CCNY: variants seen among roughly 807,000 people sequenced by gnomAD.
CCNY encodes cyclin-Y.
In CCNY, 19 loss-of-function variants were observed where a neutral mutation model predicts 42.8. The ratio of observed to expected loss-of-function variants is 0.44; its 90% CI spans 0.31 to 0.65. CCNY has a LOEUF of 0.65. Among genes scored for constraint, CCNY ranks in the 30% least tolerant of loss-of-function variants. The pLI is 0.07. For synonymous variants in CCNY, 165 were observed against 162.7 expected, an observed-to-expected ratio of 1.01 and a Z score of -0.11; for missense variants, 370 against 437.3, an observed-to-expected ratio of 0.85 and a Z score of 1.37.
chr10:35,511,657 G>T (rs1191375111), intron 3 of CCNY, among the ~76,000 whole-genome samples: 1 of 152,208 alleles, frequency 6.6e-6, no homozygotes, highest in African/African-American at 2.4e-5. Flanking sequence ...CTCCTTGTCT[G>T]TAAAATGGGA....
intron 1 of CCNY, among the ~76,000 whole-genome samples, 176 bp downstream of exon 1, chr10:35,337,383 C>A: frequency 6.6e-6 from 1 of 152,184 alleles, no homozygotes; most frequent in East Asian, 1.9e-4. Context: ...GCGTACCCCT[C>A]GCTGGTTACC....
At chr10:35,329,228 G>A (rs909235579) in intron 3 of CCNY, among the ~76,000 whole-genome samples, 6 of 152,114 alleles carry the variant, frequency 3.9e-5, no homozygotes, top group African/African-American at 1.4e-4. Flanking sequence ...ATAGAAATGA[G>A]CAGATGCTGA....
intron 1 of CCNY, among the ~76,000 whole-genome samples, chr10:35,473,367 CA>C (rs2135348461): frequency 6.6e-6 from 1 of 152,360 alleles, no homozygotes; most frequent in East Asian, 1.9e-4. Flanking sequence ...GTTACAATGA[CA>C]CCCAGTAGAG....
rs928766685 is a variant in CCNY, at chr10:35,414,142, G to T, written c.155-69262G>T. Among the ~76,000 whole-genome samples, 29 of 152,312 alleles carry T rather than the reference G, an allele frequency of 1.9e-4. 1 individual carries two copies. The highest frequency in any genetic ancestry group is 6.2e-4 in the South Asian group (3 of 4,834). On this transcript the variant is annotated intron_variant, in intron 1 of 9. Transcript: ENST00000374704. ...TCAGCAGCTTAAGACAACACACATT[G>T]ACTCTATCACAGTTTCTGTGGGGCA...
At chr10:35,379,902 G>C (rs981382438) in intron 1 of CCNY, among the ~76,000 whole-genome samples, 1 of 152,168 alleles carries the variant, frequency 6.6e-6, no homozygotes, top group Non-Finnish European at 1.5e-5. Flanking sequence ...ACCACACAAG[G>C]AGGAGAAACA....
intron 1 of CCNY, among the ~76,000 whole-genome samples, chr10:35,414,557 C>T (rs573932440): frequency 3.3e-4 from 51 of 152,332 alleles, no homozygotes; most frequent in African/African-American, 1.2e-3. Context: ...AGGCCCCTCT[C>T]GCACTTAGGA....
upstream of CCNY, among the ~76,000 whole-genome samples, chr10:35,335,208 G>A (rs1049612451): frequency 6.6e-6 from 1 of 152,048 alleles, no homozygotes; most frequent in Non-Finnish European, 1.5e-5. Context: ...GGCGTCGGGA[G>A]GGAATGCGAA....
At chr10:35,375,364 C>G (rs1837029444) in intron 1 of CCNY, among the ~76,000 whole-genome samples, 1 of 152,166 alleles carries the variant, frequency 6.6e-6, no homozygotes, top group Admixed American at 6.5e-5. Context: ...AGATGGAGTT[C>G]TCACATCTTC....
At chr10:35,461,886 A>G (rs945020224) in intron 1 of CCNY, among the ~76,000 whole-genome samples, 1 of 151,928 alleles carries the variant, frequency 6.6e-6, no homozygotes, top group Non-Finnish European at 1.5e-5. Flanking sequence ...TCCAGCCTGC[A>G]TACGTAAATG....
Position 35,383,049 on chromosome 10 carries a change from C to G in CCNY, c.154+45842C>G, listed in dbSNP as rs560723871. Among the ~76,000 whole-genome samples the G allele has an allele frequency of 6.6e-5, 10 of 152,182 alleles. No individual in the cohort carries two copies. The South Asian group carries it at 1.7e-3, about 25-fold the overall frequency. On this transcript the variant is annotated intron_variant, in intron 1 of 9. Coordinates refer to ENST00000374704, the MANE Select transcript of CCNY (RefSeq NM_145012.6). ...GGATTGTTTTCAATTGAACATGGATCGAAAACGCAATATTTCGGGATGCAA... is the reference window on the plus strand; with the variant it reads ...GGATTGTTTTCAATTGAACATGGATGGAAAACGCAATATTTCGGGATGCAA...
chr10:35,293,331 A>T lies in CCNY; in HGVS notation c.-9+42705A>T, dbSNP rs188526375. 3.1e-3 allele frequency among the ~76,000 whole-genome samples: 474 copies of T among 152,312 alleles called. 4 individuals carry two copies. The highest frequency in any genetic ancestry group is 0.011 in the African/African-American group (459 of 41,572). Reference sequence around the variant, plus strand: ...CTGAACTCTCAGGACAGTAAGGTTCATTATGCCAAAACCATACTGTCTTGA... The same window carrying T: ...CTGAACTCTCAGGACAGTAAGGTTCTTTATGCCAAAACCATACTGTCTTGA... On this transcript the variant is annotated intron_variant, in intron 3 of 11. Transcript: ENST00000374706.
At position 35,356,331 on chromosome 10, in the gene CCNY, T is replaced by TA. The variant is rs200096956; in HGVS notation, c.154+19125dup. On this transcript the variant is annotated intron_variant, in intron 1 of 9. Transcript: ENST00000374704. ...AGCATGTTAGTGTATGGTAAACACTTATGCTTGTACATCTTAAGATGTTGC... is the reference window on the plus strand; with the variant it reads ...AGCATGTTAGTGTATGGTAAACACTTAATGCTTGTACATCTTAAGATGTTGC... Among the ~76,000 whole-genome samples, 843 of 152,350 alleles carry TA rather than the reference T, an allele frequency of 5.5e-3. 2 individuals carry two copies. The highest frequency in any genetic ancestry group is 0.016 in the African/African-American group (647 of 41,584).
intron 3 of CCNY, among the ~76,000 whole-genome samples, chr10:35,254,001 G>A (rs1439192778): frequency 6.6e-6 from 1 of 151,092 alleles, no homozygotes; most frequent in Non-Finnish European, 1.5e-5. Context: ...TCAGCCTCCT[G>A]AGTAGCTGGG....
At chr10:35,540,721 T>TTATC (rs754207635) in intron 7 of CCNY, among the ~76,000 whole-genome samples, 1 of 152,206 alleles carries the variant, frequency 6.6e-6, no homozygotes, top group Non-Finnish European at 1.5e-5. Context: ...TCTATTCAGG[T>TTATC]TATCTCTTCT....
chr10:35,524,352 G>A (rs1288936524), intron 4 of CCNY, among the ~76,000 whole-genome samples: 2 of 152,156 alleles, frequency 1.3e-5, no homozygotes, highest in Non-Finnish European at 2.9e-5. Flanking sequence ...GCACTTATTT[G>A]CTCATGAGTA....
intron 1 of CCNY, among the ~76,000 whole-genome samples, chr10:35,473,104 A>G (rs1839422950): frequency 6.6e-6 from 1 of 152,244 alleles, no homozygotes; most frequent in African/African-American, 2.4e-5. Flanking sequence ...GGATTGGGTC[A>G]CATATTTTAT....
chr10:35,550,819 A>G (rs753187674), intron 7 of CCNY, among the ~76,000 whole-genome samples: 5 of 152,160 alleles, frequency 3.3e-5, no homozygotes, highest in Non-Finnish European at 2.9e-5. Context: ...CAGCCTTAAA[A>G]TGGAAGGGGC....
intron 1 of CCNY, among the ~76,000 whole-genome samples, chr10:35,474,738 G>A (rs1172790631): frequency 8.9e-4 from 135 of 152,072 alleles, no homozygotes; most frequent in African/African-American, 1.8e-3. Flanking sequence ...AAATCAGAGC[G>A]CCTCTCCTCC....
intron 1 of CCNY, among the ~76,000 whole-genome samples, chr10:35,415,013 G>A (rs569887580): frequency 2.0e-5 from 3 of 152,336 alleles, no homozygotes; most frequent in African/African-American, 4.8e-5. Flanking sequence ...TCTAGGCGGA[G>A]GGAACAGCAG....
Sources: allele counts gnomAD v4.1 joint callset (sites outside exome capture counted in the v4.1 genomes callset), GRCh38; gene constraint gnomAD v4.1.1; transcripts MANE v1.5; gene names NCBI Gene and HGNC (gene_info 2026-07-23, HGNC 2026-07-21).